The following WASHC4 variants were observed in gnomAD, a reference collection of about 807,000 sequenced individuals.
WASHC4 encodes the protein WASH complex subunit 7.
A neutral mutation model predicts 166.6 loss-of-function variants in WASHC4; 86 were observed. That is an observed-to-expected ratio of 0.52 (90% CI 0.43 to 0.62). WASHC4 has a LOEUF of 0.62. Among genes scored for constraint, WASHC4 ranks in the 20% least tolerant of loss-of-function variants. WASHC4 has a pLI of 0.00. For synonymous variants in WASHC4, 446 were observed against 451.6 expected, an observed-to-expected ratio of 0.99 and a Z score of 0.16; for missense variants, 1,262 against 1,382.4, an observed-to-expected ratio of 0.91 and a Z score of 1.38.
chr12:105,155,503 TG>T (rs11339978), intron 26 of WASHC4, among the ~76,000 whole-genome samples: 152,162 of 152,162 alleles, frequency 1, 76,081 homozygotes, highest in Non-Finnish European at 1. Flanking sequence ...GTCAGGATTT[TG>T]ATTACTGAGG....
chr12:105,149,973 A>G (rs1359867605), intron 25 of WASHC4, among the ~76,000 whole-genome samples: 1 of 152,194 alleles, frequency 6.6e-6, no homozygotes, highest in East Asian at 1.9e-4. Flanking sequence ...AAAGCAGGAC[A>G]TGCTTATTTT....
chr12:105,111,884 CT>C (rs11343401), intron 2 of WASHC4, among the ~76,000 whole-genome samples: 27,136 of 152,108 alleles, frequency 0.18, 2,648 homozygotes, highest in East Asian at 0.25. Context: ...TTTATAACAG[CT>C]TTCTTGAGAT....
In WASHC4 at chr12:105,138,063, C is replaced by A; in HGVS notation, c.1452+52C>A. 4 of 1,568,280 alleles carry A rather than the reference C, an allele frequency of 2.6e-6. No individual in the cohort carries two copies. The South Asian group carries it at 3.5e-5, about 14-fold the overall frequency. On this transcript the variant is annotated intron_variant, in intron 15 of 32. Coordinates refer to ENST00000332180, the MANE Select transcript of WASHC4 (RefSeq NM_015275.3). ...CATCATAATTGAGAAATGACCCAGG[C>A]TTAAATTAGGATAATCTTGTAAGGT...
At chr12:105,120,823 C>T (rs1880668798) in intron 8 of WASHC4, among the ~76,000 whole-genome samples, 1 of 152,096 alleles carries the variant, frequency 6.6e-6, no homozygotes, top group African/African-American at 2.4e-5. Flanking sequence ...TGCCGTAATG[C>T]AGATTCTCTA....
At chr12:105,123,353 C>T (rs1880967413) in intron 10 of WASHC4, among the ~76,000 whole-genome samples, 1 of 152,006 alleles carries the variant, frequency 6.6e-6, no homozygotes, top group Admixed American at 6.6e-5. Context: ...GAAAGTTAGG[C>T]CTCTTGCTGT....
rs375696229 is a variant in WASHC4, at chr12:105,144,370, C to T, written c.2094C>T (p.Asn698=). The T allele has an allele frequency of 2.5e-6, 4 of 1,613,360 alleles. No individual in the cohort carries two copies. Among genetic ancestry groups the T allele is most frequent in the Non-Finnish European group, 3.4e-6 (4 of 1,179,416 alleles). Residue 698 remains asparagine, a synonymous_variant, in exon 21 of 33, where the codon AAC becomes AAT. Transcript: ENST00000332180. ...CTCATTTAAAGCTGGATGACCGAAACCCTTTCAAAGTTGGCATGAAAGACC... is the reference window on the plus strand; with the variant it reads ...CTCATTTAAAGCTGGATGACCGAAATCCTTTCAAAGTTGGCATGAAAGACC... ...VHTHLKLDDR[N]PFKVGMKDLA...
In WASHC4 at chr12:105,151,145, C is replaced by CA. The variant is rs34655671; in HGVS notation, c.2650-1173dup. ...GAGTGACAAGAGCAAGACTCTGTCT[C>CA]AAAAAAAAAAAAAAAAAAAAAAAAA... On this transcript the variant is annotated intron_variant, in intron 25 of 32. Coordinates refer to ENST00000332180, the MANE Select transcript of WASHC4 (RefSeq NM_015275.3). Among the ~76,000 whole-genome samples, 420 of 60,972 alleles carry CA rather than the reference C, an allele frequency of 6.9e-3. 8 individuals carry two copies. In the East Asian group the frequency reaches 0.083, roughly 12 times the overall value. 40.0% of individuals were successfully genotyped at this position (60,972 alleles called of 152,430 possible). A position where few individuals can be genotyped will look rare whatever the true frequency, so the allele number is the denominator to read the frequency against.
At chr12:105,139,827 T>C (rs963338681) in intron 15 of WASHC4, among the ~76,000 whole-genome samples, 5 of 152,060 alleles carry the variant, frequency 3.3e-5, no homozygotes, top group African/African-American at 1.2e-4. Flanking sequence ...TAGAGACTTT[T>C]GATGAACAGA....
In WASHC4 at chr12:105,157,775, G is replaced by A. The variant is rs137934073; in HGVS notation, c.2912+453G>A. Among the ~76,000 whole-genome samples the A allele has an allele frequency of 4.6e-3, 693 of 152,150 alleles. 6 individuals are homozygous for A. Among genetic ancestry groups the A allele is most frequent in the African/African-American group, 0.016 (651 of 41,508 alleles). ...ACTGTAGCCACTACCATATATGGCC[G>A]GTAAACACTTAAAATATGGCAAATG... is the stretch of plus-strand genomic sequence containing the variant. On this transcript the variant is annotated intron_variant, in intron 28 of 32. Transcript: ENST00000332180.
At chr12:105,142,228 A>G (rs1196806) in intron 18 of WASHC4, among the ~76,000 whole-genome samples, 133,699 of 152,168 alleles carry the variant, frequency 0.88, 59,020 homozygotes, top group East Asian at 1. Context: ...TTACAAAAGC[A>G]TATGTGCAGA....
chr12:105,114,480 G>T (rs1235267583), intron 4 of WASHC4, 53 bp downstream of exon 4: 2 of 1,181,244 alleles, frequency 1.7e-6, no homozygotes, highest in African/African-American at 1.5e-5. Flanking sequence ...TTAGAAGCAA[G>T]TATGTGTTTA....
At chr12:105,158,124 T>TA (rs759086112) in intron 28 of WASHC4, among the ~76,000 whole-genome samples, 2 of 152,198 alleles carry the variant, frequency 1.3e-5, no homozygotes, top group Non-Finnish European at 2.9e-5. Flanking sequence ...ATCATAATGA[T>TA]AAGAGAATGA....
chr12:105,126,903 T>C (rs1881338465), intron 12 of WASHC4, among the ~76,000 whole-genome samples: 3 of 152,118 alleles, frequency 2.0e-5, no homozygotes, highest in Admixed American at 2.0e-4. Flanking sequence ...GTGTGTGTGT[T>C]ATTTAATATT....
At chr12:105,166,539 C>T (rs780433440) in intron 32 of WASHC4, among the ~76,000 whole-genome samples, 10 of 152,072 alleles carry the variant, frequency 6.6e-5, no homozygotes, top group Admixed American at 2.0e-4. Context: ...GTGAGGGGAG[C>T]GGGCCTTTCT....
chr12:105,137,858 T>A, intron 14 of WASHC4, 28 bp from the exon 15 acceptor site: 1 of 1,579,184 alleles, frequency 6.3e-7, no homozygotes, highest in Non-Finnish European at 8.7e-7. Flanking sequence ...TCTTTCCTTG[T>A]GATTATAATC....
intron 1 of WASHC4, among the ~76,000 whole-genome samples, chr12:105,109,782 C>G (rs547702047): frequency 4.0e-5 from 6 of 151,428 alleles, no homozygotes; most frequent in African/African-American, 1.5e-4. Flanking sequence ...TAGTAGCTGG[C>G]TGATTTTTTC....
intron 2 of WASHC4, among the ~76,000 whole-genome samples, chr12:105,112,338 G>A (rs894127993): frequency 2.0e-5 from 3 of 152,132 alleles, no homozygotes; most frequent in African/African-American, 7.2e-5. Context: ...CTATTTGGCT[G>A]CTATGAGCAT....
intron 13 of WASHC4, among the ~76,000 whole-genome samples, chr12:105,132,700 A>G (rs1447512860): frequency 6.6e-6 from 1 of 151,896 alleles, no homozygotes; most frequent in Non-Finnish European, 1.5e-5. Context: ...CTTGCTGCCT[A>G]CTTAACTTCT....
At chr12:105,159,566 A>G (rs1884366167) in intron 28 of WASHC4, among the ~76,000 whole-genome samples, 1 of 152,230 alleles carries the variant, frequency 6.6e-6, no homozygotes, top group South Asian at 2.1e-4. Flanking sequence ...TAGTAGCTGT[A>G]CATGAGGGAT....
Sources: allele counts gnomAD v4.1 joint callset (sites outside exome capture counted in the v4.1 genomes callset), GRCh38; gene constraint gnomAD v4.1.1; transcripts MANE v1.5; gene names NCBI Gene and HGNC (gene_info 2026-07-23, HGNC 2026-07-21).